The following THOP1 variants were observed in gnomAD, a reference collection of about 807,000 sequenced individuals.
THOP1 encodes the protein thimet oligopeptidase.
THOP1 carries 49 observed loss-of-function variants against 71.8 expected under a neutral mutation model. The observed-to-expected ratio is 0.68, with a 90% CI of 0.54 to 0.87. The LOEUF is 0.87. Ranked by LOEUF, THOP1 falls within the 40% of genes least tolerant of loss-of-function variation. THOP1 has a pLI of 0.00. For synonymous variants in THOP1, 426 were observed against 421.5 expected, an observed-to-expected ratio of 1.01 and a Z score of -0.13; for missense variants, 843 against 975.6, an observed-to-expected ratio of 0.86 and a Z score of 1.81.
chr19:2,815,189 G>C lies in THOP1; in HGVS notation c.*1913G>C, dbSNP rs1425517119. ...TTCCCCTGCCCCGAGCCCTCAGGTG[G>C]CCTCCACCTGGTCCCCAGCGAAGTC... is the stretch of plus-strand genomic sequence containing the variant. On this transcript the variant is annotated 3_prime_UTR_variant, in exon 13 of 13. Transcript: ENST00000307741. 1 of 152,260 alleles carries C rather than the reference G, an allele frequency of 6.6e-6. No homozygotes were observed. Among genetic ancestry groups the C allele is most frequent in the African/African-American group, 2.4e-5 (1 of 41,450 alleles). 9.4% of individuals were successfully genotyped at this position (152,260 alleles called of 1,614,324 possible). A position where few individuals can be genotyped will look rare whatever the true frequency, so the allele number is the denominator to read the frequency against.
chr19:2,789,348 A>G (rs922344253), intron 1 of THOP1, among the ~76,000 whole-genome samples: 3 of 152,072 alleles, frequency 2.0e-5, no homozygotes, highest in Non-Finnish European at 4.4e-5. Flanking sequence ...CTGACTTCAC[A>G]TAGTCGCCCT....
At chr19:2,803,759 G>A (rs1568323333) in intron 5 of THOP1, among the ~76,000 whole-genome samples, 1 of 152,142 alleles carries the variant, frequency 6.6e-6, no homozygotes, top group Non-Finnish European at 1.5e-5. Flanking sequence ...ACGGGAAGGC[G>A]GGGGCTCTGC....
Position 2,785,508 on chromosome 19 carries a change from G to C in THOP1, c.-155G>C. ...CCCTGTGCGCGCGCCGCCCCAGCAT[G>C]CCCCGGGAGCGCGGGCGGCGGGCCC... On this transcript the variant is annotated 5_prime_UTR_variant, in exon 1 of 13. The change abolishes an upstream ATG in the 5' untranslated region. Transcript: ENST00000307741. 1 of 755,690 alleles carries C rather than the reference G, an allele frequency of 1.3e-6. No homozygotes were observed. The highest frequency in any genetic ancestry group is 1.8e-6 in the Non-Finnish European group (1 of 541,648). 46.8% of individuals were successfully genotyped at this position (755,690 alleles called of 1,614,324 possible). A position where few individuals can be genotyped will look rare whatever the true frequency, so the allele number is the denominator to read the frequency against.
chr19:2,795,711 A>G (rs990527509), intron 3 of THOP1, among the ~76,000 whole-genome samples: 3 of 152,238 alleles, frequency 2.0e-5, no homozygotes, highest in African/African-American at 7.2e-5. Context: ...GTTCCCATGC[A>G]GGTGCAGGAA....
At position 2,810,306 on chromosome 19, in the gene THOP1, G is replaced by A. The variant is rs113612949; in HGVS notation, c.1458G>A (p.Ala486=). ...GAGGCTCTGCCCCATCCCTGCAGGC[G>A]GAGTTCGCCATGTTCAGCGGGACCC... is the stretch of plus-strand genomic sequence containing the variant. ...GHVMHQLCSQ[A]EFAMFSGTHV... is the part of the protein sequence containing the mutation. Residue 486 remains alanine (A), a splice_region_variant and synonymous_variant, in exon 10 of 13, where the codon GCG becomes GCA. Coordinates refer to ENST00000307741, the MANE Select transcript of THOP1 (RefSeq NM_003249.5). The A allele has an allele frequency of 3.3e-5, 53 of 1,610,514 alleles. No homozygotes were observed. Among genetic ancestry groups the A allele is most frequent in the African/African-American group, 2.1e-4 (16 of 74,872 alleles).
chr19:2,808,834 G>A (rs973071294), intron 9 of THOP1, among the ~76,000 whole-genome samples: 7 of 152,316 alleles, frequency 4.6e-5, no homozygotes, highest in South Asian at 2.1e-4. Flanking sequence ...CAGTCATGCC[G>A]GATCAGGGCC....
chr19:2,789,924 T>G (rs1039768836), intron 1 of THOP1: 1 of 159,640 alleles, frequency 6.3e-6, no homozygotes, highest in Non-Finnish European at 1.4e-5. Context: ...CCAGCTAATT[T>G]TTGTATTTTT....
intron 1 of THOP1, among the ~76,000 whole-genome samples, chr19:2,788,387 C>T (rs1470144257): frequency 6.6e-6 from 1 of 152,186 alleles, no homozygotes; most frequent in Non-Finnish European, 1.5e-5. Context: ...CTGTCCCATC[C>T]CCTTCCTGTC....
At chr19:2,802,068 C>T (rs1371638857) in intron 5 of THOP1, among the ~76,000 whole-genome samples, 2 of 151,606 alleles carry the variant, frequency 1.3e-5, no homozygotes, top group Non-Finnish European at 2.9e-5. Context: ...ACACTGCCAT[C>T]TCCCGATACC....
At chr19:2,802,513 C>CACG (rs1472181266) in intron 5 of THOP1, among the ~76,000 whole-genome samples, 1 of 145,886 alleles carries the variant, frequency 6.9e-6, no homozygotes, top group Non-Finnish European at 1.5e-5. Context: ...ACCAACACCT[C>CACG]ACGACACCCA....
rs1437753902 is a variant in THOP1 at position 2,796,100 on chromosome 19, C to T, written c.398C>T (p.Ser133Leu). The T allele has an allele frequency of 1.9e-6, 3 of 1,613,736 alleles. No homozygotes were observed. Among genetic ancestry groups the T allele is most frequent in the Non-Finnish European group, 2.5e-6 (3 of 1,179,952 alleles). ...VWLQEKVQKD[S>L]LRPEAARYLE... ...TTCCAGGAGAAAGTTCAGAAGGACT[C>T]ACTGAGGCCCGAGGCTGCGCGGTAC... The change falls in exon 4 of 13, where the codon TCA (serine) becomes TTA (leucine). Residue 133 changes from serine (S) to leucine (L), a missense_variant. Coordinates refer to ENST00000307741, the MANE Select transcript of THOP1 (RefSeq NM_003249.5).
chr19:2,802,239 C>T (rs1916162749), intron 5 of THOP1, among the ~76,000 whole-genome samples: 1 of 150,562 alleles, frequency 6.6e-6, no homozygotes, highest in African/African-American at 2.5e-5. Context: ...ACCCACCCAC[C>T]TCCCAACACC....
Position 2,805,189 on chromosome 19 carries a change from G to T in THOP1, c.750+13G>T. On this transcript the variant is annotated intron_variant, in intron 6 of 12. Transcript: ENST00000307741. The surrounding 1 kb of genome is among the most constrained non-coding windows in gnomAD (Gnocchi z 6.6). The stretch of plus-strand genomic sequence containing the variant: ...CCGGTGCAAGGAGGTGAGAAGGCAC[G>T]GCCAGGGGGCCCCAGAACAGTGGGT... 6.2e-7 allele frequency: 1 copy of T among 1,605,990 alleles called. No homozygotes were observed. The highest frequency in any genetic ancestry group is 1.1e-5 in the South Asian group (1 of 89,896).
chr19:2,786,112 G>A (rs78594264), intron 1 of THOP1, among the ~76,000 whole-genome samples: 14,481 of 152,084 alleles, frequency 0.095, 2,271 homozygotes, highest in African/African-American at 0.33. Context: ...GGTTCCTGGG[G>A]GGCTTTTCTG....
chr19:2,796,233 TCCC>T, intron 4 of THOP1, 45 bp downstream of exon 4: 1 of 1,477,676 alleles, frequency 6.8e-7, no homozygotes, highest in Non-Finnish European at 9.3e-7. Context: ...CAATGGTCGA[TCCC>T]GGGGAGTGCT....
Position 2,813,494 on chromosome 19 carries a change from A to G in THOP1, c.*218A>G. 5.3e-6 allele frequency: 3 copies of G among 562,106 alleles called. No homozygotes were observed. Among genetic ancestry groups the G allele is most frequent in the South Asian group, 5.3e-5 (2 of 37,884 alleles). 34.8% of individuals were successfully genotyped at this position (562,106 alleles called of 1,614,324 possible). A position where few individuals can be genotyped will look rare whatever the true frequency, so the allele number is the denominator to read the frequency against. On this transcript the variant is annotated 3_prime_UTR_variant, in exon 13 of 13. Transcript: ENST00000307741. ...CATCTGGAGGGCTTTCGTGGCTGCC[A>G]GGGCCTGGTCTTTGTTGCACTAACA... is the stretch of plus-strand genomic sequence containing the variant.
Position 2,799,679 on chromosome 19 carries a change from T to C in THOP1, c.487-10T>C. 6.2e-7 allele frequency: 1 copy of C among 1,611,900 alleles called. No homozygotes were observed. Among genetic ancestry groups the C allele is most frequent in the Non-Finnish European group, 8.5e-7 (1 of 1,178,634 alleles). ...CTCTCCCTCCCCTCACGCCCCGCCTTTCTCTCCAGAACATCAAACGCATCA... is the reference window on the plus strand; with the variant it reads ...CTCTCCCTCCCCTCACGCCCCGCCTCTCTCTCCAGAACATCAAACGCATCA... On this transcript the variant is annotated splice_polypyrimidine_tract_variant and intron_variant, in intron 4 of 12. Transcript: ENST00000307741.
In THOP1 at chr19:2,801,744, C is replaced by G. The variant is rs1300715407; in HGVS notation, c.589+1953C>G. Among the ~76,000 whole-genome samples, 5 of 152,104 alleles carry G rather than the reference C, an allele frequency of 3.3e-5. No homozygotes were observed. Among genetic ancestry groups the G allele is most frequent in the Non-Finnish European group, 7.4e-5 (5 of 67,986 alleles). On this transcript the variant is annotated intron_variant, in intron 5 of 12. Coordinates refer to ENST00000307741, the MANE Select transcript of THOP1 (RefSeq NM_003249.5). This position sits in a 1 kb window ranked among gnomAD's most constrained non-coding sequence, Gnocchi z 5.1. ...TTCTTCCTGGTGGGGACTCTGGAGC[C>G]CTGAGGCGGCCAGGGTGTCACATGG...
At chr19:2,791,427 G>A (rs1017092297) in intron 2 of THOP1, among the ~76,000 whole-genome samples, 4 of 152,212 alleles carry the variant, frequency 2.6e-5, no homozygotes, top group Non-Finnish European at 5.9e-5. Context: ...CCCCTGAAAG[G>A]GTTGGCCTCC....
Sources: allele counts gnomAD v4.1 joint callset (sites outside exome capture counted in the v4.1 genomes callset), GRCh38; gene constraint gnomAD v4.1.1; non-coding constraint Gnocchi (gnomAD v3.1); transcripts MANE v1.5; gene names NCBI Gene and HGNC (gene_info 2026-07-23, HGNC 2026-07-21).